Variants in ANKS1B observed in about 807,000 individuals in gnomAD.
ANKS1B encodes the protein ankyrin repeat and sterile alpha motif domain-containing protein 1B.
In ANKS1B, 36 loss-of-function variants were observed where a neutral mutation model predicts 148.3. That is an observed-to-expected ratio of 0.24 (90% confidence interval 0.19 to 0.32). The LOEUF (loss-of-function observed/expected upper bound fraction) is 0.32. Among genes scored for constraint, ANKS1B ranks in the 10% least tolerant of loss-of-function variants. The pLI, the probability that ANKS1B is intolerant of heterozygous loss-of-function variation, is 1.00. For synonymous variants in ANKS1B, 542 were observed against 560.8 expected, an observed-to-expected ratio of 0.97 and a Z score of 0.47; for missense variants, 1,157 against 1,542.6, an observed-to-expected ratio of 0.75 and a Z score of 4.19.
intron 14 of ANKS1B, among the ~76,000 whole-genome samples, chr12:99,231,654 T>TAA (rs533331589): frequency 2.0e-5 from 3 of 151,066 alleles, no homozygotes; most frequent in East Asian, 1.9e-4. Context: ...TAAATACATT[T>TAA]AAAAAAAAAT....
chr12:99,923,867 T>A (rs1304160960), intron 1 of ANKS1B, among the ~76,000 whole-genome samples: 2 of 152,104 alleles, frequency 1.3e-5, no homozygotes, highest in African/African-American at 4.8e-5. Context: ...GGACCAGAAC[T>A]AGGGTGAGGA....
intron 14 of ANKS1B, among the ~76,000 whole-genome samples, chr12:99,229,163 T>A (rs544673276): frequency 6.6e-6 from 1 of 151,948 alleles, no homozygotes; most frequent in African/African-American, 2.4e-5. Flanking sequence ...TGCATGTATG[T>A]GTATTCAAAA....
chr12:99,364,736 A>C lies in ANKS1B; in HGVS notation c.1756+34895T>G, dbSNP rs1237843525. Reference sequence around the variant, plus strand: ...TTTACTGATGGTAGTTTTATATCATAAACTTATCTTCCAACCATGTGTTTC... The same window carrying C: ...TTTACTGATGGTAGTTTTATATCATCAACTTATCTTCCAACCATGTGTTTC... On this transcript the variant is annotated intron_variant, in intron 12 of 26. Coordinates refer to ENST00000683438, the MANE Select transcript of ANKS1B (RefSeq NM_001352186.2). Among the ~76,000 whole-genome samples the C allele has an allele frequency of 2.6e-5, 4 of 152,176 alleles. No individual in the cohort carries two copies. In the East Asian group the frequency reaches 7.7e-4, roughly 29 times the overall value.
intron 8 of ANKS1B, among the ~76,000 whole-genome samples, chr12:99,713,685 T>C (rs993685935): frequency 9.9e-5 from 15 of 152,200 alleles, no homozygotes; most frequent in Non-Finnish European, 1.9e-4. Context: ...TTATTTATAA[T>C]AGCTTTAATA....
At chr12:99,171,054 G>T (rs1555322797) in intron 14 of ANKS1B, among the ~76,000 whole-genome samples, 1 of 152,202 alleles carries the variant, frequency 6.6e-6, no homozygotes, top group South Asian at 2.1e-4. Flanking sequence ...CTAAAGTGCT[G>T]GTGTCTATGT....
chr12:99,704,529 TACATAC>T (rs944031970), intron 8 of ANKS1B, among the ~76,000 whole-genome samples: 2 of 151,228 alleles, frequency 1.3e-5, no homozygotes, highest in Non-Finnish European at 2.9e-5. Flanking sequence ...GACACACACA[TACATAC>T]ACATACATTA....
intron 17 of ANKS1B, among the ~76,000 whole-genome samples, chr12:98,958,126 A>G (rs576559699): frequency 6.6e-6 from 1 of 152,202 alleles, no homozygotes; most frequent in African/African-American, 2.4e-5. Flanking sequence ...CTTTAATTGC[A>G]ATCTCTATTT....
intron 17 of ANKS1B, among the ~76,000 whole-genome samples, chr12:98,926,298 C>T (rs1283596522): frequency 6.6e-6 from 1 of 152,138 alleles, no homozygotes; most frequent in African/African-American, 2.4e-5. Context: ...TAACTGAGCA[C>T]AGACTTCTGT....
chr12:99,399,881 T>C (rs1238617559), intron 11 of ANKS1B, 70 bp from the exon 12 acceptor site: 1 of 1,492,370 alleles, frequency 6.7e-7, no homozygotes, highest in Non-Finnish European at 9.3e-7. Context: ...TCCCCATCAA[T>C]TTAATCTAAG....
chr12:99,482,529 T>C (rs184739209), intron 10 of ANKS1B, among the ~76,000 whole-genome samples: 12 of 152,212 alleles, frequency 7.9e-5, no homozygotes, highest in East Asian at 1.9e-4. Flanking sequence ...TGTGGTTCCA[T>C]ATGAATTTTA....
intron 8 of ANKS1B, among the ~76,000 whole-genome samples, chr12:99,734,104 G>A (rs139956645): frequency 1.3e-5 from 2 of 152,258 alleles, no homozygotes; most frequent in African/African-American, 4.8e-5. Context: ...CTCAGCGAAT[G>A]AATATTCCAT....
At chr12:99,684,477 A>G (rs894165026) in intron 8 of ANKS1B, among the ~76,000 whole-genome samples, 1 of 152,114 alleles carries the variant, frequency 6.6e-6, no homozygotes, top group Admixed American at 6.5e-5. Flanking sequence ...GAAATCATAG[A>G]TGACACAAAC....
intron 1 of ANKS1B, among the ~76,000 whole-genome samples, chr12:99,925,505 T>C (rs2094459831): frequency 6.6e-6 from 1 of 152,190 alleles, no homozygotes; most frequent in Non-Finnish European, 1.5e-5. Flanking sequence ...ACCCAGATGG[T>C]CTTGGACTCC....
At chr12:99,110,557 C>T (rs2060088426) in intron 15 of ANKS1B, among the ~76,000 whole-genome samples, 1 of 152,154 alleles carries the variant, frequency 6.6e-6, no homozygotes, top group Admixed American at 6.6e-5. Context: ...CCTTTTAATG[C>T]TCATTTCTTT....
chr12:99,586,641 T>A (rs2097644186), intron 9 of ANKS1B, among the ~76,000 whole-genome samples: 1 of 152,142 alleles, frequency 6.6e-6, no homozygotes. Context: ...TAGTCTGTTC[T>A]CATGCTGCTA....
intron 15 of ANKS1B, among the ~76,000 whole-genome samples, chr12:99,148,209 G>T (rs2153812867): frequency 6.6e-6 from 1 of 152,178 alleles, no homozygotes; most frequent in East Asian, 1.9e-4. Flanking sequence ...GTCATTTGAA[G>T]TAATACTGGA....
chr12:98,768,967 A>C (rs1260813128), intron 25 of ANKS1B, among the ~76,000 whole-genome samples: 1 of 152,008 alleles, frequency 6.6e-6, no homozygotes, highest in Non-Finnish European at 1.5e-5. Context: ...CATAAACTGG[A>C]AACTTCCTAG....
At chr12:99,285,407 T>C in intron 12 of ANKS1B, among the ~76,000 whole-genome samples, 1 of 152,234 alleles carries the variant, frequency 6.6e-6, no homozygotes. Flanking sequence ...CTATTAGAAA[T>C]AAAGCTACTA....
Position 99,504,498 on chromosome 12 carries a change from T to C in ANKS1B, c.1416A>G (p.Ala472=). Residue 472 remains alanine (A), a synonymous_variant, in exon 10 of 27, where the codon GCA becomes GCG. Transcript: ENST00000683438. ...VTKKPCSLEI[A]RAPSPRTDNA... is the part of the protein sequence containing the mutation. Reference sequence around the variant, plus strand: ...TACCAGTTCTTGGGGAAGGTGCCCTTGCAATTTCTAAGGAGCAAGGTTTCT... The same window carrying C: ...TACCAGTTCTTGGGGAAGGTGCCCTCGCAATTTCTAAGGAGCAAGGTTTCT... 6.2e-7 allele frequency: 1 copy of C among 1,612,184 alleles called. No homozygotes were observed. Among genetic ancestry groups the C allele is most frequent in the Non-Finnish European group, 8.5e-7 (1 of 1,179,340 alleles).
Sources: allele counts gnomAD v4.1 joint callset (sites outside exome capture counted in the v4.1 genomes callset), GRCh38; gene constraint gnomAD v4.1.1; transcripts MANE v1.5; gene names NCBI Gene and HGNC (gene_info 2026-07-23, HGNC 2026-07-21).